Variants in NPAS3 observed in about 807,000 individuals in gnomAD.
NPAS3 encodes the protein neuronal PAS domain-containing protein 3.
A neutral mutation model predicts 73.1 loss-of-function variants in NPAS3; 14 were observed. The observed-to-expected ratio is 0.19, with a 90% CI of 0.13 to 0.30. The LOEUF is 0.30. Among genes scored for constraint, NPAS3 ranks in the 10% least tolerant of loss-of-function variants. The pLI, the probability that NPAS3 is intolerant of heterozygous loss-of-function variation, is 1.00. For synonymous variants in NPAS3, 620 were observed against 541.5 expected, an observed-to-expected ratio of 1.14 and a Z score of -2.01; for missense variants, 1,096 against 1,250.0, an observed-to-expected ratio of 0.88 and a Z score of 1.86.
intron 2 of NPAS3, among the ~76,000 whole-genome samples, chr14:33,136,058 C>CTTT (rs34308954): frequency 8.7e-5 from 10 of 115,404 alleles, no homozygotes; most frequent in African/African-American, 9.8e-5. Flanking sequence ...TACCTTTTTT[C>CTTT]TTTTTTTTTT....
chr14:33,077,109 T>C (rs1319515921), intron 2 of NPAS3, among the ~76,000 whole-genome samples: 1 of 151,984 alleles, frequency 6.6e-6, no homozygotes, highest in African/African-American at 2.4e-5. Flanking sequence ...CCTGTGGAGG[T>C]AGCAGGCACT....
intron 5 of NPAS3, among the ~76,000 whole-genome samples, chr14:33,596,812 A>G (rs1443106090): frequency 6.6e-6 from 1 of 152,192 alleles, no homozygotes; most frequent in Non-Finnish European, 1.5e-5. Flanking sequence ...GAAATCTTCC[A>G]TTACTGATTG....
chr14:33,622,445 CT>C (rs1701542200), intron 5 of NPAS3, among the ~76,000 whole-genome samples: 1 of 152,144 alleles, frequency 6.6e-6, no homozygotes, highest in South Asian at 2.1e-4. Flanking sequence ...TTGTTCTTTA[CT>C]TGACTGCCTG....
At chr14:33,661,884 C>T (rs1206108234) in intron 5 of NPAS3, among the ~76,000 whole-genome samples, 1 of 152,124 alleles carries the variant, frequency 6.6e-6, no homozygotes, top group Non-Finnish European at 1.5e-5. Flanking sequence ...CCTCTCTTCC[C>T]ACCCACTCCC....
At chr14:33,575,474 C>T (rs1471255950) in intron 5 of NPAS3, among the ~76,000 whole-genome samples, 1 of 152,162 alleles carries the variant, frequency 6.6e-6, no homozygotes, top group Non-Finnish European at 1.5e-5. Flanking sequence ...GTAGGTTTTC[C>T]AATTGTTCCT....
intron 5 of NPAS3, among the ~76,000 whole-genome samples, chr14:33,566,484 G>C (rs976738327): frequency 6.6e-6 from 1 of 151,466 alleles, no homozygotes; most frequent in Non-Finnish European, 1.5e-5. Flanking sequence ...AGGCAAACAC[G>C]CCTCTTTATT....
At chr14:33,316,487 C>T (rs988243771) in intron 3 of NPAS3, among the ~76,000 whole-genome samples, 2 of 152,008 alleles carry the variant, frequency 1.3e-5, no homozygotes, top group African/African-American at 4.8e-5. Flanking sequence ...CAGATTGTAC[C>T]TCTTGAGATA....
intron 4 of NPAS3, among the ~76,000 whole-genome samples, chr14:33,430,006 C>G (rs12100488): frequency 0.12 from 18,285 of 152,062 alleles, 1,699 homozygotes; most frequent in East Asian, 0.38. Context: ...GTGACCCCTT[C>G]ATCATTTAGA....
chr14:33,520,586 G>A (rs763134684), intron 4 of NPAS3, among the ~76,000 whole-genome samples: 15 of 152,210 alleles, frequency 9.9e-5, no homozygotes, highest in South Asian at 2.1e-4. Context: ...TAAAAGTGCC[G>A]TTTTGAGTTT....
intron 3 of NPAS3, among the ~76,000 whole-genome samples, chr14:33,317,810 G>A (rs2043271266): frequency 1.3e-5 from 2 of 152,058 alleles, no homozygotes; most frequent in African/African-American, 4.8e-5. Flanking sequence ...TTAGCAGCAT[G>A]AGAATGGACT....
At chr14:33,024,436 C>T (rs1202694916) in intron 1 of NPAS3, among the ~76,000 whole-genome samples, 1 of 152,116 alleles carries the variant, frequency 6.6e-6, no homozygotes, top group African/African-American at 2.4e-5. Flanking sequence ...TCCCAAAGTG[C>T]TGGGATTACA....
At chr14:33,399,490 C>T (rs1046356171) in intron 4 of NPAS3, among the ~76,000 whole-genome samples, 3 of 152,056 alleles carry the variant, frequency 2.0e-5, no homozygotes, top group African/African-American at 7.2e-5. Flanking sequence ...ACTTGTTCAG[C>T]ACTTACTCCC....
chr14:33,188,751 A>G (rs1016414416), intron 2 of NPAS3, among the ~76,000 whole-genome samples: 2 of 152,210 alleles, frequency 1.3e-5, no homozygotes, highest in Non-Finnish European at 2.9e-5. Context: ...TTGAAATGCT[A>G]TCATTTCCCA....
At chr14:33,039,661 G>T (rs1000062926) in intron 1 of NPAS3, among the ~76,000 whole-genome samples, 9 of 152,188 alleles carry the variant, frequency 5.9e-5, no homozygotes, top group African/African-American at 2.2e-4. Flanking sequence ...ATGATTCTCA[G>T]CTTCTGTCTA....
At chr14:33,520,988 T>A (rs1162148618) in intron 4 of NPAS3, among the ~76,000 whole-genome samples, 1 of 152,136 alleles carries the variant, frequency 6.6e-6, no homozygotes, top group Non-Finnish European at 1.5e-5. Flanking sequence ...TTTTTAGAGG[T>A]CATTGTTGTA....
chr14:33,021,069 C>G (rs539367256), intron 1 of NPAS3, among the ~76,000 whole-genome samples: 1 of 152,034 alleles, frequency 6.6e-6, no homozygotes, highest in African/African-American at 2.4e-5. Flanking sequence ...CGGCCAGGTC[C>G]GACATTTTTA....
chr14:32,961,209 C>T (rs1240759792), intron 1 of NPAS3, among the ~76,000 whole-genome samples: 2 of 151,714 alleles, frequency 1.3e-5, no homozygotes, highest in East Asian at 1.9e-4. Flanking sequence ...GTCAGGAGGT[C>T]GAGACCATCC....
At chr14:33,359,411 C>A (rs907065865) in intron 3 of NPAS3, among the ~76,000 whole-genome samples, 4 of 152,086 alleles carry the variant, frequency 2.6e-5, no homozygotes, top group African/African-American at 9.7e-5. Context: ...ATCAAGATAC[C>A]AGATGTGGAC....
At chr14:33,099,198 T>C (rs1338828573) in intron 2 of NPAS3, among the ~76,000 whole-genome samples, 1 of 152,216 alleles carries the variant, frequency 6.6e-6, no homozygotes, top group Non-Finnish European at 1.5e-5. Context: ...TTGGCTCTCC[T>C]GTGACTGCTC....
Sources: gnomAD v4.1 joint callset for allele counts (sites outside exome capture counted in the v4.1 genomes callset) on GRCh38, gnomAD v4.1.1 for gene constraint, MANE v1.5 for transcripts, NCBI Gene and HGNC (gene_info 2026-07-23, HGNC 2026-07-21) for gene names.